SCHIP1: variants seen among roughly 807,000 people sequenced by gnomAD.
The protein encoded by SCHIP1 is schwannomin interacting protein 1.
Under a neutral mutation model 29.7 loss-of-function variants are expected in SCHIP1, and 8 were observed. The ratio of observed to expected loss-of-function variants is 0.27; its 90% confidence interval spans 0.16 to 0.49. The LOEUF (loss-of-function observed/expected upper bound fraction) is 0.49, where lower values mean the gene tolerates loss of function less well. Ranked by LOEUF, SCHIP1 falls within the 20% of genes least tolerant of loss-of-function variation. SCHIP1 has a pLI of 0.99. For missense variants in SCHIP1, 193 were observed against 294.6 expected (o/e 0.66, Z 2.52); for synonymous variants, 76 against 94.9 (o/e 0.80, Z 1.16).
chr3:159,607,226 A>G, the SCHIP1 span, among the ~76,000 whole-genome samples: 1 of 152,176 alleles, frequency 6.6e-6, no homozygotes, highest in African/African-American at 2.4e-5. Flanking sequence ...CTTGTCCTGA[A>G]TAAGTTTGGG....
At chr3:159,468,542 TCTC>T in the SCHIP1 span, among the ~76,000 whole-genome samples, 19 of 151,634 alleles carry the variant, frequency 1.3e-4, no homozygotes, top group African/African-American at 2.7e-4. Flanking sequence ...TTTAATCCAA[TCTC>T]CTCATTTTAC....
the SCHIP1 span, among the ~76,000 whole-genome samples, chr3:159,290,742 C>T: frequency 6.6e-6 from 1 of 151,974 alleles, no homozygotes; most frequent in Admixed American, 6.6e-5. Context: ...AAACTTTACT[C>T]AATAGTGATA....
chr3:159,344,104 G>A, the SCHIP1 span, among the ~76,000 whole-genome samples: 3 of 152,038 alleles, frequency 2.0e-5, no homozygotes, highest in African/African-American at 7.2e-5. Flanking sequence ...AGGCTGGGGC[G>A]GGCAGATCAC....
At chr3:159,367,699 A>G in the SCHIP1 span, among the ~76,000 whole-genome samples, 1 of 152,080 alleles carries the variant, frequency 6.6e-6, no homozygotes, top group Admixed American at 6.5e-5. Flanking sequence ...TCTCTCTCAC[A>G]CAGAGTTATG....
chr3:159,797,636 G>A, the SCHIP1 span, among the ~76,000 whole-genome samples: 4 of 151,026 alleles, frequency 2.6e-5, no homozygotes, highest in South Asian at 4.2e-4. Flanking sequence ...GCAGTGGCAC[G>A]ATCTTGGCTC....
the SCHIP1 span, among the ~76,000 whole-genome samples, chr3:159,744,373 A>G: frequency 1.3e-5 from 2 of 152,354 alleles, no homozygotes; most frequent in Admixed American, 1.3e-4. Context: ...TTTAAAATAT[A>G]ACCCATTAAA....
At chr3:159,463,707 C>T in the SCHIP1 span, among the ~76,000 whole-genome samples, 96 of 151,386 alleles carry the variant, frequency 6.3e-4, no homozygotes, top group African/African-American at 2.1e-3. Flanking sequence ...CCCCATATCC[C>T]CAAGTATGAC....
the SCHIP1 span, among the ~76,000 whole-genome samples, chr3:159,455,450 A>G: frequency 2.0e-5 from 3 of 152,218 alleles, no homozygotes; most frequent in Non-Finnish European, 2.9e-5. Flanking sequence ...ACAGTTTACA[A>G]AACACTTTAA....
the SCHIP1 span, among the ~76,000 whole-genome samples, chr3:159,426,860 G>A: frequency 2.6e-5 from 4 of 152,094 alleles, no homozygotes; most frequent in Admixed American, 6.6e-5. Context: ...TTCATCTCTG[G>A]GATGCAAGGC....
the SCHIP1 span, among the ~76,000 whole-genome samples, chr3:159,608,471 G>A: frequency 5.9e-5 from 9 of 152,186 alleles, no homozygotes; most frequent in South Asian, 2.1e-4. Context: ...AACACTGTCC[G>A]TCTGTTCCCT....
chr3:159,313,103 T>C, the SCHIP1 span, among the ~76,000 whole-genome samples: 6 of 152,218 alleles, frequency 3.9e-5, no homozygotes, highest in African/African-American at 1.4e-4. Flanking sequence ...AGCTACTTAG[T>C]AAAATACTCT....
chr3:159,450,965 C>T, the SCHIP1 span, among the ~76,000 whole-genome samples: 7 of 152,004 alleles, frequency 4.6e-5, no homozygotes, highest in Non-Finnish European at 8.8e-5. Context: ...CCCACCACCA[C>T]GCCCAGCTAA....
chr3:159,850,643 C>T (rs1007215890), intron 1 of SCHIP1, among the ~76,000 whole-genome samples: 5 of 151,198 alleles, frequency 3.3e-5, no homozygotes, highest in Non-Finnish European at 7.4e-5. Flanking sequence ...GTACAGGAAG[C>T]ATGGTGGGGG....
chr3:159,300,923 A>G, the SCHIP1 span, among the ~76,000 whole-genome samples: 1 of 152,158 alleles, frequency 6.6e-6, no homozygotes, highest in Admixed American at 6.6e-5. Context: ...TTAAATATCC[A>G]TGATGTTTTC....
the SCHIP1 span, among the ~76,000 whole-genome samples, chr3:159,681,519 G>A: frequency 0.17 from 26,288 of 152,022 alleles, 2,561 homozygotes; most frequent in Middle Eastern, 0.25. Flanking sequence ...ATCATAGCAT[G>A]GATAAAAGTT....
chr3:159,441,483 G>C, the SCHIP1 span, among the ~76,000 whole-genome samples: 2 of 152,024 alleles, frequency 1.3e-5, no homozygotes, highest in African/African-American at 4.8e-5. Context: ...TTTTGGCGGG[G>C]TGACAGGAGT....
At chr3:159,273,326 G>A in the SCHIP1 span, 1 of 986,192 alleles carries the variant, frequency 1.0e-6, no homozygotes, top group African/African-American at 1.7e-5. Flanking sequence ...GCGAGAATGA[G>A]GCAGACCTGT....
At chr3:159,764,897 G>A in the SCHIP1 span, 2 of 1,566,850 alleles carry the variant, frequency 1.3e-6, no homozygotes, top group East Asian at 2.4e-5. This position sits in a 1 kb window ranked among gnomAD's most constrained non-coding sequence, Gnocchi z 6.1. Flanking sequence ...GGCCGGCCGA[G>A]CTGTTCCCGG....
the SCHIP1 span, chr3:159,387,413 T>A: frequency 9.0e-6 from 3 of 334,952 alleles, no homozygotes; most frequent in Non-Finnish European, 1.2e-5. Flanking sequence ...GCTTGGTGAC[T>A]GGGAGCCACT....
Sources: allele counts gnomAD v4.1 joint callset (sites outside exome capture counted in the v4.1 genomes callset), GRCh38; gene constraint gnomAD v4.1.1; non-coding constraint Gnocchi (gnomAD v3.1); transcripts MANE v1.5; gene names NCBI Gene and HGNC (gene_info 2026-07-23, HGNC 2026-07-21).